NREP: variants seen among roughly 807,000 people sequenced by gnomAD.
NREP encodes the protein neuronal regeneration-related protein.
A neutral mutation model predicts 8.6 loss-of-function variants in NREP; 5 were observed. The observed-to-expected ratio is 0.58, with a 90% CI of 0.30 to 1.22. NREP has a LOEUF of 1.22. NREP is among the 50% of genes most tolerant of loss of function. The pLI, the probability that NREP is intolerant of heterozygous loss-of-function variation, is 0.07. For synonymous variants in NREP, 27 were observed against 28.0 expected (o/e 0.96, Z 0.11); for missense variants, 86 against 82.5 (o/e 1.04, Z -0.17).
At chr5:111,964,876 A>T (rs1181488367) in intron 2 of NREP, among the ~76,000 whole-genome samples, 36 of 129,466 alleles carry the variant, frequency 2.8e-4, no homozygotes, top group South Asian at 6.8e-4. Flanking sequence ...AAAAAAAAAA[A>T]AAAAAAAAAA....
Position 111,781,254 on chromosome 5 carries a change from C to T in NREP, c.136-45747G>A, listed in dbSNP as rs931773187. Among the ~76,000 whole-genome samples, 6 of 152,240 alleles carry T rather than the reference C, an allele frequency of 3.9e-5. 1 individual carries two copies. The South Asian group carries it at 1.2e-3, about 32-fold the overall frequency. ...AAGTGAGGCTGCATGGTTTCTGAGGCTCGGTCAAAAAGGTAACATGGCTTC... is the reference window on the plus strand; with the variant it reads ...AAGTGAGGCTGCATGGTTTCTGAGGTTCGGTCAAAAAGGTAACATGGCTTC... On this transcript the variant is annotated intron_variant, in intron 2 of 3. Coordinates refer to the NREP transcript ENST00000395634.
chr5:111,902,233 A>C lies in NREP; in HGVS notation c.135+73041T>G, dbSNP rs534062598. Among the ~76,000 whole-genome samples, 11 of 152,258 alleles carry C rather than the reference A, an allele frequency of 7.2e-5. No homozygotes were observed. The East Asian group carries it at 2.1e-3, about 29-fold the overall frequency. ...CTCTTAAATAAATGGTGCTGGGAAA[A>C]CTAGAGTCCATAAACAGAAGATGAA... On this transcript the variant is annotated intron_variant, in intron 2 of 3. Transcript: ENST00000395634.
At chr5:111,888,348 G>GGC (rs1363464969) in intron 2 of NREP, among the ~76,000 whole-genome samples, 9 of 151,732 alleles carry the variant, frequency 5.9e-5, no homozygotes, top group African/African-American at 9.7e-5. Context: ...GTGGCGGGGG[G>GGC]GGTCTCAGGA....
chr5:111,777,009 G>T (rs1302975515), intron 2 of NREP, among the ~76,000 whole-genome samples: 2 of 117,926 alleles, frequency 1.7e-5, no homozygotes, highest in Admixed American at 8.0e-5. Flanking sequence ...GGAGGAGGAA[G>T]GAGGTGGAGG....
At chr5:111,827,944 G>T (rs1691163609) in intron 2 of NREP, among the ~76,000 whole-genome samples, 1 of 152,150 alleles carries the variant, frequency 6.6e-6, no homozygotes, top group Admixed American at 6.5e-5. Flanking sequence ...TTTTCCAGAG[G>T]TTCCTTCAGA....
intron 2 of NREP, among the ~76,000 whole-genome samples, chr5:111,837,787 T>G (rs913441182): frequency 2.6e-5 from 4 of 152,092 alleles, no homozygotes; most frequent in Non-Finnish European, 5.9e-5. Context: ...TTTCATATGG[T>G]GGCAAAGTAG....
chr5:111,852,196 T>G (rs1397617230), intron 2 of NREP, among the ~76,000 whole-genome samples: 1 of 152,160 alleles, frequency 6.6e-6, no homozygotes, highest in Non-Finnish European at 1.5e-5. Flanking sequence ...AATAAGACTT[T>G]TTCTCCCAAT....
chr5:111,761,848 G>T (rs1011033141), upstream of NREP, among the ~76,000 whole-genome samples: 6 of 152,160 alleles, frequency 3.9e-5, no homozygotes, highest in African/African-American at 1.2e-4. Context: ...CAATCAGACC[G>T]AAGGGAAAGA....
intron 2 of NREP, among the ~76,000 whole-genome samples, chr5:111,781,405 C>A (rs950921247): frequency 6.6e-6 from 1 of 152,062 alleles, no homozygotes; most frequent in African/African-American, 2.4e-5. Context: ...CCCAGATGGG[C>A]ACCCAGCCAG....
chr5:111,905,582 C>T (rs571135138), intron 2 of NREP, among the ~76,000 whole-genome samples: 4 of 152,162 alleles, frequency 2.6e-5, no homozygotes, highest in South Asian at 4.1e-4. Flanking sequence ...CTTGAAAGTA[C>T]GTTTGCTACT....
chr5:111,760,238 C>A (rs936711863), upstream of NREP, among the ~76,000 whole-genome samples: 2 of 152,176 alleles, frequency 1.3e-5, no homozygotes, highest in Non-Finnish European at 2.9e-5. Context: ...GTTGTCACAA[C>A]CAGATATGTA....
At position 111,729,598 on chromosome 5, in the gene NREP, G is replaced by GT. The variant is rs1193260586; in HGVS notation, c.*1322dup. On this transcript the variant is annotated 3_prime_UTR_variant, in exon 4 of 4. Transcript: ENST00000257435. ...GAAGTGCAGTGCATGCGTCATCGGTGTTTAACAGTCAGAAGCGAAACAGTT... is the reference window on the plus strand; with the variant it reads ...GAAGTGCAGTGCATGCGTCATCGGTGTTTTAACAGTCAGAAGCGAAACAGTT... 1 of 152,658 alleles carries GT rather than the reference G, an allele frequency of 6.6e-6. No individual in the cohort carries two copies. The highest frequency in any genetic ancestry group is 1.5e-5 in the Non-Finnish European group (1 of 68,050). 9.5% of individuals were successfully genotyped at this position (152,658 alleles called of 1,614,324 possible).
intron 2 of NREP, among the ~76,000 whole-genome samples, chr5:111,882,843 G>A (rs1334423360): frequency 6.6e-6 from 1 of 152,202 alleles, no homozygotes; most frequent in Non-Finnish European, 1.5e-5. Flanking sequence ...ACATGGAAAG[G>A]AACAACCGGT....
At chr5:111,883,911 G>T (rs1366660751) in intron 2 of NREP, among the ~76,000 whole-genome samples, 5 of 152,084 alleles carry the variant, frequency 3.3e-5, no homozygotes, top group Non-Finnish European at 7.3e-5. Context: ...ACAATTAAAA[G>T]AACTAGAAAA....
In NREP at chr5:111,893,987, G is replaced by A. The variant is rs536445253; in HGVS notation, c.135+81287C>T. On this transcript the variant is annotated intron_variant, in intron 2 of 3. Coordinates refer to the NREP transcript ENST00000395634. The stretch of plus-strand genomic sequence containing the variant: ...AATCCCAGCACCTTGGGAGGCCGAC[G>A]CAGGCAGATCACTTGAGGTCAGGAG... Among the ~76,000 whole-genome samples the A allele has an allele frequency of 6.7e-4, 102 of 152,202 alleles. 1 individual carries two copies. Among genetic ancestry groups the A allele is most frequent in the African/African-American group, 2.4e-3 (101 of 41,554 alleles).
chr5:111,811,877 C>T (rs1218543870), intron 2 of NREP, among the ~76,000 whole-genome samples: 4 of 151,948 alleles, frequency 2.6e-5, no homozygotes, highest in African/African-American at 4.8e-5. Context: ...AAGCAAAGAT[C>T]GGTTTACAAA....
intron 2 of NREP, among the ~76,000 whole-genome samples, chr5:111,834,011 A>G (rs982868815): frequency 6.6e-6 from 1 of 152,132 alleles, no homozygotes; most frequent in Non-Finnish European, 1.5e-5. Flanking sequence ...AAAAGATTCA[A>G]ATTCCCTAAG....
At chr5:111,915,447 G>T (rs763308851) in intron 2 of NREP, among the ~76,000 whole-genome samples, 16 of 151,916 alleles carry the variant, frequency 1.1e-4, no homozygotes, top group Non-Finnish European at 2.2e-4. Context: ...GAGTCATTTT[G>T]GTGAGGCTAC....
chr5:111,926,240 A>G (rs1255437163), intron 2 of NREP, among the ~76,000 whole-genome samples: 2 of 152,104 alleles, frequency 1.3e-5, no homozygotes, highest in Non-Finnish European at 2.9e-5. Context: ...GAAGTGGTGA[A>G]ACTAGAGGAG....
Sources: allele counts gnomAD v4.1 joint callset (sites outside exome capture counted in the v4.1 genomes callset), GRCh38; gene constraint gnomAD v4.1.1; transcripts MANE v1.5; gene names NCBI Gene and HGNC (gene_info 2026-07-23, HGNC 2026-07-21).